SHOC1: variants seen among roughly 807,000 people sequenced by gnomAD.
The protein encoded by SHOC1 is shortage in chiasmata 1.
A neutral mutation model predicts 179.2 loss-of-function variants in SHOC1; 136 were observed. That is an observed-to-expected ratio of 0.76 (90% CI 0.66 to 0.87). The LOEUF (loss-of-function observed/expected upper bound fraction) is 0.87, where lower values mean the gene tolerates loss of function less well. Ranked by LOEUF, SHOC1 falls within the 40% of genes least tolerant of loss-of-function variation. The pLI, the probability that SHOC1 is intolerant of heterozygous loss-of-function variation, is 0.00. For synonymous variants in SHOC1, 489 were observed against 586.6 expected, an observed-to-expected ratio of 0.83 and a Z score of 2.41; for missense variants, 1,538 against 1,700.8, an observed-to-expected ratio of 0.90 and a Z score of 1.68.
chr9:111,701,203 C>T (rs184359241), intron 23 of SHOC1, among the ~76,000 whole-genome samples: 3 of 152,286 alleles, frequency 2.0e-5, no homozygotes, highest in Non-Finnish European at 2.9e-5. Context: ...TGAACACTAA[C>T]ATAATTCAAA....
chr9:111,756,550 C>T (rs1195558540), intron 7 of SHOC1, 72 bp from the exon 8 acceptor site: 2 of 1,380,896 alleles, frequency 1.4e-6, no homozygotes, highest in African/African-American at 2.9e-5. Context: ...CATAAGTGGA[C>T]AAAATTTGCT....
At chr9:111,767,187 T>C (rs1471151973) in intron 5 of SHOC1, among the ~76,000 whole-genome samples, 1 of 152,210 alleles carries the variant, frequency 6.6e-6, no homozygotes, top group African/African-American at 2.4e-5. Context: ...AGAAGCTTTT[T>C]AGCTTGATGT....
chr9:111,745,170 T>A (rs1318658571), intron 10 of SHOC1, among the ~76,000 whole-genome samples: 1 of 152,230 alleles, frequency 6.6e-6, no homozygotes, highest in East Asian at 1.9e-4. Flanking sequence ...TTAATGGGAA[T>A]AAACTGATAG....
chr9:111,788,349 G>A (rs1006680645), intron 2 of SHOC1, among the ~76,000 whole-genome samples: 9 of 152,104 alleles, frequency 5.9e-5, no homozygotes, highest in Non-Finnish European at 1.3e-4. Context: ...GTTTTGCCAT[G>A]TTGGCCAGGC....
At chr9:111,712,050 A>G (rs749941137) in intron 18 of SHOC1, among the ~76,000 whole-genome samples, 2 of 152,264 alleles carry the variant, frequency 1.3e-5, no homozygotes, top group Non-Finnish European at 2.9e-5. Flanking sequence ...GTTGAAGATC[A>G]TGAAAGAGCT....
At chr9:111,700,660 G>C (rs1485397846) in intron 23 of SHOC1, among the ~76,000 whole-genome samples, 1 of 152,060 alleles carries the variant, frequency 6.6e-6, no homozygotes, top group Admixed American at 6.6e-5. Flanking sequence ...CAAGATAATG[G>C]CTCTCTTTAT....
chr9:111,773,055 G>A (rs1434097526), intron 5 of SHOC1, among the ~76,000 whole-genome samples: 10 of 151,962 alleles, frequency 6.6e-5, no homozygotes, highest in Admixed American at 5.2e-4. Context: ...TTCTCCTACC[G>A]TCTGCTTGAA....
intron 17 of SHOC1, among the ~76,000 whole-genome samples, chr9:111,713,648 G>A (rs1832651168): frequency 6.6e-6 from 1 of 152,156 alleles, no homozygotes; most frequent in African/African-American, 2.4e-5. Flanking sequence ...TAAAGTTGCG[G>A]TTAAGAAATA....
At position 111,766,641 on chromosome 9, in the gene SHOC1, C is replaced by T. The variant is rs564145724; in HGVS notation, c.443-7793G>A. On this transcript the variant is annotated intron_variant, in intron 5 of 27. Transcript: ENST00000682961. ...TTTTTTTGTTTTTGAAATGGAGTTT[C>T]GCTCCTGTTGCCCAGGCTGGAGTGC... Among the ~76,000 whole-genome samples, 27 of 151,732 alleles carry T rather than the reference C, an allele frequency of 1.8e-4. No homozygotes were observed. The South Asian group carries it at 1.9e-3, about 11-fold the overall frequency.
chr9:111,774,178 C>T (rs1474070336), intron 5 of SHOC1, among the ~76,000 whole-genome samples: 2 of 151,834 alleles, frequency 1.3e-5, no homozygotes, highest in African/African-American at 4.8e-5. Flanking sequence ...TTTAAATATA[C>T]TTATATAAAC....
At chr9:111,687,753 T>C (rs1831242066) in intron 27 of SHOC1, among the ~76,000 whole-genome samples, 1 of 89,150 alleles carries the variant, frequency 1.1e-5, no homozygotes, top group African/African-American at 8.7e-5. Flanking sequence ...TTTCTTCTTC[T>C]TCTTTTTTTT....
intron 5 of SHOC1, among the ~76,000 whole-genome samples, chr9:111,775,019 T>TTTTATG (rs1835776123): frequency 6.6e-6 from 1 of 151,646 alleles, no homozygotes; most frequent in Non-Finnish European, 1.5e-5. Flanking sequence ...TTTTTGAGAT[T>TTTTATG]CAGTCTTGCT....
chr9:111,746,461 G>T, intron 9 of SHOC1, 119 bp from the exon 10 acceptor site: 1 of 568,410 alleles, frequency 1.8e-6, no homozygotes, highest in Non-Finnish European at 3.1e-6. Context: ...GATCACTTGA[G>T]TCCAGGAGTT....
chr9:111,687,162 A>G (rs1444674064), intron 27 of SHOC1, among the ~76,000 whole-genome samples: 2 of 152,028 alleles, frequency 1.3e-5, no homozygotes, highest in South Asian at 4.2e-4. Flanking sequence ...TGGGCAGGCT[A>G]GTCTCAAACT....
At chr9:111,696,276 C>T (rs1002138272) in intron 24 of SHOC1, among the ~76,000 whole-genome samples, 8 of 152,240 alleles carry the variant, frequency 5.3e-5, no homozygotes, top group African/African-American at 1.9e-4. Flanking sequence ...TTTTCAAGTT[C>T]TTCAGATGCC....
intron 27 of SHOC1, among the ~76,000 whole-genome samples, chr9:111,687,923 C>T (rs10981010): frequency 0.061 from 9,254 of 152,134 alleles, 710 homozygotes; most frequent in African/African-American, 0.18. Context: ...AGGAATCTAT[C>T]TGTAAATTCA....
intron 5 of SHOC1, among the ~76,000 whole-genome samples, chr9:111,769,986 G>GTTTTTTTTTTTTTCTTTTTTTTTTT: frequency 1.3e-5 from 1 of 77,662 alleles, no homozygotes; most frequent in Non-Finnish European, 2.4e-5. Flanking sequence ...TTTTTTTTTT[G>GTTTTTTTTTTTTTCTTTTTTTTTTT]TTTTTTTTTT....
intron 4 of SHOC1, 53 bp from the exon 5 acceptor site, chr9:111,776,028 T>G: frequency 2.9e-6 from 4 of 1,395,124 alleles, no homozygotes; most frequent in Non-Finnish European, 4.0e-6. Flanking sequence ...TAAAACACTT[T>G]TATTAGTAGA....
intron 25 of SHOC1, 120 bp from the exon 26 acceptor site, chr9:111,694,068 G>T: frequency 9.2e-7 from 1 of 1,086,122 alleles, no homozygotes; most frequent in Non-Finnish European, 1.3e-6. Context: ...TTTCGAAAGT[G>T]ATCCATTTTA....
Sources: gnomAD v4.1 joint callset for allele counts (sites outside exome capture counted in the v4.1 genomes callset) on GRCh38, gnomAD v4.1.1 for gene constraint, MANE v1.5 for transcripts, NCBI Gene and HGNC (gene_info 2026-07-23, HGNC 2026-07-21) for gene names.